FAM114A2: variants seen among roughly 807,000 people sequenced by gnomAD.
FAM114A2 encodes the protein protein FAM114A2.
In FAM114A2, 53 loss-of-function variants were observed where a neutral mutation model predicts 58.4. That is an observed-to-expected ratio of 0.91 (90% confidence interval 0.73 to 1.14). The LOEUF (loss-of-function observed/expected upper bound fraction) is 1.14, where lower values mean the gene tolerates loss of function less well. Among genes scored for constraint, FAM114A2 ranks in the 50% most tolerant of loss-of-function variants. The pLI, the probability that FAM114A2 is intolerant of heterozygous loss-of-function variation, is 0.00. For synonymous variants in FAM114A2, 228 were observed against 211.4 expected (o/e 1.08, Z -0.68); for missense variants, 601 against 581.1 (o/e 1.03, Z -0.35).
intron 9 of FAM114A2, among the ~76,000 whole-genome samples, chr5:154,008,290 A>AT (rs1441748493): frequency 6.6e-6 from 1 of 152,150 alleles, no homozygotes; most frequent in Non-Finnish European, 1.5e-5. Flanking sequence ...ACCTGAGTAT[A>AT]TTTTTTGTGC....
At chr5:153,993,665 C>T (rs753519825) in intron 13 of FAM114A2, among the ~76,000 whole-genome samples, 7 of 151,950 alleles carry the variant, frequency 4.6e-5, no homozygotes, top group African/African-American at 7.3e-5. Context: ...GAATCATTAC[C>T]CTCAGTTTGC....
chr5:153,992,294 G>A lies in FAM114A2; in HGVS notation c.*682C>T, dbSNP rs1442749479. ...ATCCAGTAGAGTAGGGTTCAGCTATGACATGAAGTGTGTCATCCTGGGGAG... is the reference window on the plus strand; with the variant it reads ...ATCCAGTAGAGTAGGGTTCAGCTATAACATGAAGTGTGTCATCCTGGGGAG... On this transcript the variant is annotated 3_prime_UTR_variant, in exon 14 of 14. Transcript: ENST00000351797. The A allele has an allele frequency of 6.6e-6, 1 of 152,178 alleles. No homozygotes were observed. The highest frequency in any genetic ancestry group is 1.9e-4 in the East Asian group (1 of 5,192). The allele number at this position is 152,178 out of a possible 1,614,324, so 9.4% of individuals were successfully genotyped here.
chr5:154,028,217 T>A lies in FAM114A2; in HGVS notation c.562A>T (p.Ile188Leu). The A allele has an allele frequency of 1.2e-6, 2 of 1,611,648 alleles. No homozygotes were observed. Among genetic ancestry groups the A allele is most frequent in the Non-Finnish European group, 1.7e-6 (2 of 1,177,942 alleles). Residue 188 changes from isoleucine (I) to leucine (L), a missense_variant, in exon 6 of 14, where the codon ATA (isoleucine) becomes TTA (leucine). Physicochemically the swap from Ile to Leu is conservative, Grantham distance 5. Transcript: ENST00000351797. ...TTAAATCCAGGATCCCCTTCTGCTA[T>A]CACATCCATTGTCTTTTTTCCAATG... ...EFIGKKTMDV[I>L]AEGDPGFKRT... is the part of the protein sequence containing the mutation.
chr5:154,003,420 C>A (rs878888853), intron 9 of FAM114A2, among the ~76,000 whole-genome samples: 3 of 152,014 alleles, frequency 2.0e-5, no homozygotes, highest in African/African-American at 4.8e-5. Context: ...CTCAGGTGAT[C>A]CCCCTGCCTC....
At position 153,991,005 on chromosome 5, in the gene FAM114A2, A is replaced by T. The variant is rs1374468087; in HGVS notation, c.*1971T>A. ...TCTTAATTCTTTTTCAGTATATTTT[A>T]TGTGAAGAGTAGACAATTGTTACTC... On this transcript the variant is annotated 3_prime_UTR_variant, in exon 14 of 14. Coordinates refer to ENST00000351797, the MANE Select transcript of FAM114A2 (RefSeq NM_018691.4). 6.6e-6 allele frequency: 1 copy of T among 152,122 alleles called. No homozygotes were observed. The highest frequency in any genetic ancestry group is 1.5e-5 in the Non-Finnish European group (1 of 68,022). The allele number at this position is 152,122 out of a possible 1,614,324, so 9.4% of individuals were successfully genotyped here.
intron 8 of FAM114A2, among the ~76,000 whole-genome samples, chr5:154,019,713 C>A (rs1315994482): frequency 2.0e-5 from 3 of 152,058 alleles, no homozygotes; most frequent in African/African-American, 7.2e-5. Flanking sequence ...GAATAGAGAA[C>A]CCAGAAACAA....
chr5:154,030,838 C>A (rs1772144184), intron 4 of FAM114A2, among the ~76,000 whole-genome samples: 1 of 152,180 alleles, frequency 6.6e-6, no homozygotes, highest in South Asian at 2.1e-4. Context: ...CTAAGCTAAG[C>A]AATCCCCAGA....
intron 8 of FAM114A2, among the ~76,000 whole-genome samples, chr5:154,020,359 G>A (rs1280747828): frequency 6.6e-6 from 1 of 152,066 alleles, no homozygotes. Flanking sequence ...ATGAATCCAG[G>A]AGCTGATTTT....
At chr5:154,012,386 C>A (rs1452917142) in intron 8 of FAM114A2, among the ~76,000 whole-genome samples, 2 of 152,166 alleles carry the variant, frequency 1.3e-5, no homozygotes, top group African/African-American at 4.8e-5. Flanking sequence ...TCATCTGAAT[C>A]CTATACACTC....
chr5:154,028,275 A>T lies in FAM114A2; in HGVS notation c.504T>A (p.Ser168Arg). 4.4e-6 allele frequency: 7 copies of T among 1,593,620 alleles called. No individual in the cohort carries two copies. Among genetic ancestry groups the T allele is most frequent in the Non-Finnish European group, 6.0e-6 (7 of 1,166,100 alleles). The part of the protein sequence containing the change: ...ISTAVQSTGK[S>R]VISGGLDALE... ...AGGCATCCAAACCCCCACTTATAAC[A>T]CTCTTTCCCTAGAAAATACATGCAA... Residue 168 changes from serine (S) to arginine (R), a missense_variant, in exon 6 of 14, where the codon AGT (serine) becomes AGA (arginine). Transcript: ENST00000351797.
rs780697366 is a variant in FAM114A2 at position 154,002,301 on chromosome 5, A to G, written c.1206T>C (p.His402=). The stretch of plus-strand genomic sequence containing the variant: ...TGGCTGTCACTTCCTGCTTCCTGCC[A>G]TGCAGAACCAATGCAGCTGTTTTGT... ...LFHKTAALVL[H]GRKQEVTAIE... is the part of the protein sequence containing the mutation. Residue 402 remains histidine (H), a synonymous_variant, in exon 11 of 14, where the codon CAT becomes CAC. Transcript: ENST00000351797. 4.3e-6 allele frequency: 7 copies of G among 1,614,080 alleles called. No individual in the cohort carries two copies. The South Asian group carries it at 7.7e-5, about 18-fold the overall frequency.
chr5:154,028,353 T>G, intron 5 of FAM114A2, 70 bp from the exon 6 acceptor site: 1 of 1,066,134 alleles, frequency 9.4e-7, no homozygotes. Context: ...TTATTATGTA[T>G]TTATTATATA....
At chr5:154,030,737 C>A (rs1772133192) in intron 4 of FAM114A2, among the ~76,000 whole-genome samples, 1 of 152,186 alleles carries the variant, frequency 6.6e-6, no homozygotes, top group Non-Finnish European at 1.5e-5. Flanking sequence ...TAGGCATGCC[C>A]TAAGACACCT....
intron 3 of FAM114A2, 107 bp from the exon 4 acceptor site, chr5:154,033,990 T>C (rs1772366779): frequency 1.4e-6 from 1 of 731,244 alleles, no homozygotes; most frequent in South Asian, 1.7e-5. Flanking sequence ...AGACATGTTA[T>C]TTTGACAATA....
chr5:153,995,106 G>A (rs905779460), intron 12 of FAM114A2, 134 bp from the exon 13 acceptor site: 4 of 607,140 alleles, frequency 6.6e-6, no homozygotes, highest in Non-Finnish European at 1.2e-5. Flanking sequence ...TGGACTGAGA[G>A]CAAAATGTCA....
chr5:154,011,335 C>T lies in FAM114A2; in HGVS notation c.914-15G>A, dbSNP rs766924225. 1 of 1,598,040 alleles carries T rather than the reference C, an allele frequency of 6.3e-7. No homozygotes were observed. The highest frequency in any genetic ancestry group is 8.6e-7 in the Non-Finnish European group (1 of 1,167,056). On this transcript the variant is annotated splice_polypyrimidine_tract_variant and intron_variant, in intron 8 of 13. Coordinates refer to ENST00000351797, the MANE Select transcript of FAM114A2 (RefSeq NM_018691.4). ...ATCTTCATCCCCTAAAAAACCAAGT[C>T]CCATATAAAACACTCCAGAAAGACT...
At chr5:154,011,718 G>A (rs1332988911) in intron 8 of FAM114A2, among the ~76,000 whole-genome samples, 2 of 146,656 alleles carry the variant, frequency 1.4e-5, no homozygotes, top group African/African-American at 2.7e-5. Context: ...CATAGACTAA[G>A]CAAGTACTGT....
At chr5:153,993,927 C>A (rs143963946) in intron 13 of FAM114A2, among the ~76,000 whole-genome samples, 25 of 152,266 alleles carry the variant, frequency 1.6e-4, no homozygotes, top group African/African-American at 5.8e-4. Flanking sequence ...CCTCAGATAT[C>A]GTCTAGTTAA....
intron 9 of FAM114A2, among the ~76,000 whole-genome samples, chr5:154,005,762 C>T (rs143698016): frequency 2.4e-3 from 362 of 152,290 alleles, no homozygotes; most frequent in African/African-American, 8.1e-3. Flanking sequence ...TTCTCAGAAA[C>T]TGTTTATTAC....
Sources: allele counts gnomAD v4.1 joint callset (sites outside exome capture counted in the v4.1 genomes callset), GRCh38; gene constraint gnomAD v4.1.1; transcripts MANE v1.5; gene names NCBI Gene and HGNC (gene_info 2026-07-23, HGNC 2026-07-21).